Variants in PTPRE observed in about 807,000 individuals in gnomAD.
The protein encoded by PTPRE is protein tyrosine phosphatase receptor type E, also known as receptor-type tyrosine-protein phosphatase epsilon.
Under a neutral mutation model 102.0 loss-of-function variants are expected in PTPRE, and 51 were observed. That is an observed-to-expected ratio of 0.50 (90% CI 0.40 to 0.63). The LOEUF (loss-of-function observed/expected upper bound fraction) is 0.63. Ranked by LOEUF, PTPRE falls within the 30% of genes least tolerant of loss-of-function variation. The pLI, the probability that PTPRE is intolerant of heterozygous loss-of-function variation, is 0.00. For missense variants in PTPRE, 752 were observed against 915.1 expected (o/e 0.82, Z 2.30); for synonymous variants, 345 against 348.2 (o/e 0.99, Z 0.10).
intron 1 of PTPRE, among the ~76,000 whole-genome samples, chr10:127,962,546 A>C (rs1849906040): frequency 6.6e-6 from 1 of 152,162 alleles, no homozygotes; most frequent in African/African-American, 2.4e-5. Context: ...CCCTGGTGAC[A>C]TGGGCTCTGC....
chr10:127,912,479 C>G (rs1174546367), intron 1 of PTPRE, among the ~76,000 whole-genome samples: 2 of 151,994 alleles, frequency 1.3e-5, no homozygotes, highest in Admixed American at 1.3e-4. Context: ...AAATCTTTCT[C>G]CCAAAAACAA....
At chr10:127,955,789 CATGACTGGGAAGCCTCAGAAAACTTACA>C (rs1564825649) in intron 1 of PTPRE, among the ~76,000 whole-genome samples, 4 of 152,132 alleles carry the variant, frequency 2.6e-5, no homozygotes, top group Non-Finnish European at 5.9e-5. Context: ...TAACAGGAAG[CATGACTGGGAAGCCTCAGAAAACTTACA>C]ATCATGGAGG....
intron 2 of PTPRE, among the ~76,000 whole-genome samples, chr10:127,983,543 G>T (rs1471021728): frequency 1.3e-5 from 2 of 152,126 alleles, no homozygotes; most frequent in African/African-American, 4.8e-5. Flanking sequence ...GGTCGATACT[G>T]GTTTGAACGC....
intron 1 of PTPRE, among the ~76,000 whole-genome samples, chr10:127,922,375 G>A (rs184554455): frequency 5.9e-5 from 9 of 152,378 alleles, no homozygotes; most frequent in East Asian, 3.9e-4. Flanking sequence ...AGGCAGTCCC[G>A]TAAGGGGCTG....
chr10:128,067,740 A>C (rs1388540355), intron 11 of PTPRE, among the ~76,000 whole-genome samples: 1 of 152,240 alleles, frequency 6.6e-6, no homozygotes, highest in East Asian at 1.9e-4. Context: ...TGCCCAAGGA[A>C]GGATGTGCTG....
chr10:127,921,873 A>T (rs1846632957), intron 1 of PTPRE, among the ~76,000 whole-genome samples: 1 of 152,224 alleles, frequency 6.6e-6, no homozygotes, highest in South Asian at 2.1e-4. Context: ...AGGGGAGTCC[A>T]GGAGGAATGG....
chr10:127,996,185 C>T (rs1330313789), intron 2 of PTPRE, among the ~76,000 whole-genome samples: 1 of 152,202 alleles, frequency 6.6e-6, no homozygotes, highest in African/African-American at 2.4e-5. Flanking sequence ...CTAAGAAGGA[C>T]ATGCAATGTC....
intron 6 of PTPRE, among the ~76,000 whole-genome samples, chr10:128,050,646 G>T (rs1848500386): frequency 6.6e-6 from 1 of 152,222 alleles, no homozygotes; most frequent in Admixed American, 6.5e-5. Context: ...TAGATTTTCA[G>T]CAGGATTGCT....
intron 19 of PTPRE, 81 bp from the exon 20 acceptor site, chr10:128,079,479 G>A (rs1424360186): frequency 1.6e-5 from 24 of 1,524,432 alleles, no homozygotes; most frequent in Middle Eastern, 2.3e-4. Flanking sequence ...GTGCTGATAT[G>A]CAGGGGTTGG....
intron 3 of PTPRE, among the ~76,000 whole-genome samples, chr10:128,042,598 C>T (rs1176427633): frequency 1.3e-5 from 2 of 152,102 alleles, no homozygotes; most frequent in African/African-American, 4.8e-5. Flanking sequence ...GCTCGTTTGA[C>T]CTAGAATTGT....
chr10:127,916,227 G>A (rs1347255144), intron 1 of PTPRE, among the ~76,000 whole-genome samples: 2 of 152,144 alleles, frequency 1.3e-5, no homozygotes, highest in African/African-American at 4.8e-5. Flanking sequence ...CATGTTGGGG[G>A]AGGGACCTTG....
At chr10:128,039,658 A>C (rs1847505074) in intron 2 of PTPRE, among the ~76,000 whole-genome samples, 1 of 152,094 alleles carries the variant, frequency 6.6e-6, no homozygotes, top group South Asian at 2.1e-4. Flanking sequence ...TTAACATGTG[A>C]GCAGCCGGGG....
intron 1 of PTPRE, among the ~76,000 whole-genome samples, chr10:127,919,607 G>A (rs986314304): frequency 3.9e-5 from 6 of 152,146 alleles, no homozygotes; most frequent in Non-Finnish European, 8.8e-5. Flanking sequence ...AGAAAGCCCG[G>A]GTTATTCATC....
chr10:128,083,821 C>G lies in PTPRE; in HGVS notation c.*915C>G, dbSNP rs185305588. 1 of 152,198 alleles carries G rather than the reference C, an allele frequency of 6.6e-6. No homozygotes were observed. Among genetic ancestry groups the G allele is most frequent in the Admixed American group, 6.5e-5 (1 of 15,270 alleles). 9.4% of individuals were successfully genotyped at this position (152,198 alleles called of 1,614,324 possible). ...CATCCAAACATTCAGATGAACTGAG[C>G]GTCTTACACACGCAGTACAGAGGAG... is the stretch of plus-strand genomic sequence containing the variant. On this transcript the variant is annotated 3_prime_UTR_variant, in exon 21 of 21. Coordinates refer to ENST00000254667, the MANE Select transcript of PTPRE (RefSeq NM_006504.6).
chr10:127,930,633 T>TA (rs781323590), intron 1 of PTPRE, among the ~76,000 whole-genome samples: 1 of 152,214 alleles, frequency 6.6e-6, no homozygotes, highest in Non-Finnish European at 1.5e-5. Flanking sequence ...GATAAGTAGA[T>TA]AGGATGGGAT....
At chr10:127,987,262 T>C in intron 2 of PTPRE, 1 of 1,082,018 alleles carries the variant, frequency 9.2e-7, no homozygotes, top group Non-Finnish European at 1.2e-6. Flanking sequence ...TATAAACTCA[T>C]GTCTCGTCAC....
At chr10:128,010,545 C>CCGTTTCTTTT (rs1844894550) in intron 2 of PTPRE, among the ~76,000 whole-genome samples, 1 of 128,278 alleles carries the variant, frequency 7.8e-6, no homozygotes, top group African/African-American at 3.0e-5. Context: ...AAACCCTGTT[C>CCGTTTCTTTT]CTTTTCTTTT....
intron 1 of PTPRE, among the ~76,000 whole-genome samples, chr10:127,952,017 A>G (rs1210313616): frequency 3.9e-5 from 6 of 152,178 alleles, no homozygotes; most frequent in Non-Finnish European, 7.3e-5. Context: ...CTTTTTCTCC[A>G]TCCTTGTCCA....
In PTPRE at chr10:127,983,621, G is replaced by A. The variant is rs115140069; in HGVS notation, c.-8+1325G>A. Among the ~76,000 whole-genome samples, 883 of 152,292 alleles carry A rather than the reference G, an allele frequency of 5.8e-3. 5 individuals are homozygous for A. The highest frequency in any genetic ancestry group is 0.02 in the African/African-American group (814 of 41,546). On this transcript the variant is annotated intron_variant, in intron 2 of 20. Coordinates refer to ENST00000254667, the MANE Select transcript of PTPRE (RefSeq NM_006504.6). ...TTTATCGAATGCAAATGTGCCTACC[G>A]TGCTAGAATGAAATATTTGAGTGTC...
Sources: allele counts gnomAD v4.1 joint callset (sites outside exome capture counted in the v4.1 genomes callset), GRCh38; gene constraint gnomAD v4.1.1; transcripts MANE v1.5; gene names NCBI Gene and HGNC (gene_info 2026-07-23, HGNC 2026-07-21).